Variants in FSD1L observed in about 807,000 individuals in gnomAD.
The protein encoded by FSD1L is FSD1-like protein.
Under a neutral mutation model 71.6 loss-of-function variants are expected in FSD1L, and 45 were observed. The observed-to-expected ratio is 0.63, with a 90% CI of 0.49 to 0.81. The LOEUF is 0.81. Among genes scored for constraint, FSD1L ranks in the 30% least tolerant of loss-of-function variants. The probability of loss-of-function intolerance (pLI) is 0.00; values close to 1 mark genes in which losing one functional copy is unlikely to be tolerated. For missense variants in FSD1L, 561 were observed against 618.1 expected, an observed-to-expected ratio of 0.91 and a Z score of 0.98; for synonymous variants, 197 against 207.2, an observed-to-expected ratio of 0.95 and a Z score of 0.42.
chr9:105,464,317 C>T lies in FSD1L; in HGVS notation c.193C>T (p.Leu65=), dbSNP rs1207844110. 6.8e-7 allele frequency: 1 copy of T among 1,472,374 alleles called. No individual in the cohort carries two copies. The highest frequency in any genetic ancestry group is 2.3e-5 in the Admixed American group (1 of 42,706). 91.2% of individuals were successfully genotyped at this position (1,472,374 alleles called of 1,614,324 possible). ...CTTTATTGATACACTACATCATACACTAAAAGGAGTTCAGGTATGATTGTT... is the reference window on the plus strand; with the variant it reads ...CTTTATTGATACACTACATCATACATTAAAAGGAGTTCAGGTATGATTGTT... ...QNFIDTLHHT[L]KGVQENSSNI... Residue 65 remains leucine, a synonymous_variant, in exon 3 of 14, where the codon CTA becomes TTA. Coordinates refer to ENST00000481272, the MANE Select transcript of FSD1L (RefSeq NM_001145313.3).
chr9:105,444,563 C>CA (rs1184379708), upstream of FSD1L, among the ~76,000 whole-genome samples: 2 of 152,176 alleles, frequency 1.3e-5, no homozygotes, highest in Non-Finnish European at 2.9e-5. Flanking sequence ...TGGCACCACT[C>CA]AGAGAGGATA....
intron 10 of FSD1L, among the ~76,000 whole-genome samples, chr9:105,517,034 A>C (rs964197548): frequency 6.6e-6 from 1 of 152,356 alleles, no homozygotes; most frequent in South Asian, 2.1e-4. Context: ...AGCAAACAAA[A>C]GTATCAATAG....
At chr9:105,538,390 T>C (rs2131508235) in intron 12 of FSD1L, among the ~76,000 whole-genome samples, 1 of 152,296 alleles carries the variant, frequency 6.6e-6, no homozygotes, top group African/African-American at 2.4e-5. Context: ...AGTTGATTTA[T>C]TAAGGAAGCA....
intron 7 of FSD1L, among the ~76,000 whole-genome samples, chr9:105,495,502 A>G (rs1833315561): frequency 6.6e-6 from 1 of 152,054 alleles, no homozygotes; most frequent in Admixed American, 6.5e-5. Context: ...GGTGCGCTGC[A>G]CCCACTGTCC....
intron 13 of FSD1L, among the ~76,000 whole-genome samples, chr9:105,543,557 A>G (rs1295281245): frequency 2.0e-5 from 3 of 152,116 alleles, no homozygotes; most frequent in Non-Finnish European, 4.4e-5. Context: ...TACCTTAGGT[A>G]TATCTCCTAA....
intron 2 of FSD1L, among the ~76,000 whole-genome samples, chr9:105,463,652 A>G (rs191667783): frequency 6.6e-6 from 1 of 152,304 alleles, no homozygotes; most frequent in East Asian, 1.9e-4. Context: ...AAATTAACCA[A>G]ATGTTTTATT....
chr9:105,497,171 T>A (rs1259126911), intron 7 of FSD1L, among the ~76,000 whole-genome samples: 3 of 152,218 alleles, frequency 2.0e-5, no homozygotes, highest in African/African-American at 7.2e-5. Context: ...ATGGGTTACA[T>A]TGATTTTTCA....
chr9:105,505,096 T>C (rs72744268), intron 7 of FSD1L, among the ~76,000 whole-genome samples: 5,383 of 152,358 alleles, frequency 0.035, 131 homozygotes, highest in South Asian at 0.087. Context: ...CTGTGGGTTC[T>C]GATAAATGTA....
intron 10 of FSD1L, chr9:105,525,382 T>C: frequency 6.2e-7 from 1 of 1,601,278 alleles, no homozygotes; most frequent in Non-Finnish European, 8.5e-7. Flanking sequence ...ACAACCTGTG[T>C]GCATTTCTGA....
chr9:105,484,405 CCTTT>C lies in FSD1L; in HGVS notation c.494_497del (p.Ser165Ter), dbSNP rs1471715156. The C allele has an allele frequency of 6.6e-7, 1 of 1,525,534 alleles. No homozygotes were observed. The highest frequency in any genetic ancestry group is 1.3e-5 in the South Asian group (1 of 78,418). 94.5% of individuals were successfully genotyped at this position (1,525,534 alleles called of 1,614,324 possible). A position where few individuals can be genotyped will look rare whatever the true frequency, so the allele number is the denominator to read the frequency against. On this transcript the variant is annotated frameshift_variant, in exon 7 of 14. Coordinates refer to ENST00000481272, the MANE Select transcript of FSD1L (RefSeq NM_001145313.3). LOFTEE classifies it high-confidence loss of function. ...GAGTCACAATGGCTTCAGCCTTTCG[CCTTT>C]CTTTGAAACCAAAGGTCAGTGACAA...
At chr9:105,526,243 C>T (rs557793231) in intron 10 of FSD1L, 81 of 1,600,070 alleles carry the variant, frequency 5.1e-5, no homozygotes, top group African/African-American at 3.5e-4. Context: ...GGAGAGAGCA[C>T]GATACCTGCA....
Position 105,535,182 on chromosome 9 carries a change from A to G in FSD1L, c.1242A>G (p.Gly414=). The G allele has an allele frequency of 6.4e-7, 1 of 1,552,074 alleles. No homozygotes were observed. Among genetic ancestry groups the G allele is most frequent in the East Asian group, 2.4e-5 (1 of 40,912 alleles). The change falls in exon 12 of 14, where the codon GGA becomes GGG. Residue 414 remains glycine (G), a synonymous_variant. Transcript: ENST00000481272. ...CGTTGGGGAAATTTGACCAATTGGG[A>G]AAGACAAACACTAGTTGGTGTATCC... The part of the protein sequence containing the change: ...YKTLGKFDQL[G]KTNTSWCIHV...
At chr9:105,533,741 A>T (rs557817946) in intron 10 of FSD1L, among the ~76,000 whole-genome samples, 273 of 148,194 alleles carry the variant, frequency 1.8e-3, no homozygotes, top group Non-Finnish European at 3.3e-3. Context: ...TTTTTTTTTA[A>T]GACAGAGTTT....
intron 1 of FSD1L, among the ~76,000 whole-genome samples, chr9:105,460,017 T>C (rs961527734): frequency 6.6e-6 from 1 of 152,258 alleles, no homozygotes; most frequent in African/African-American, 2.4e-5. Flanking sequence ...TCAAGAGCTG[T>C]AGAGTGCTCT....
At chr9:105,474,525 A>G (rs1315596441) in intron 5 of FSD1L, among the ~76,000 whole-genome samples, 1 of 152,222 alleles carries the variant, frequency 6.6e-6, no homozygotes, top group East Asian at 1.9e-4. Flanking sequence ...AGCCAGCTAC[A>G]TGGACTACAG....
upstream of FSD1L, chr9:105,447,830 T>G: frequency 3.2e-6 from 1 of 315,636 alleles, no homozygotes; most frequent in Non-Finnish European, 5.9e-6. Flanking sequence ...GGCCGGCTGC[T>G]GGATGCCCAG....
In FSD1L at chr9:105,546,519, T is replaced by C; in HGVS notation, c.*36T>C. 6.7e-7 allele frequency: 1 copy of C among 1,493,830 alleles called. No homozygotes were observed. The highest frequency in any genetic ancestry group is 8.9e-7 in the Non-Finnish European group (1 of 1,120,994). 92.5% of individuals were successfully genotyped at this position (1,493,830 alleles called of 1,614,324 possible). A position where few individuals can be genotyped will look rare whatever the true frequency, so the allele number is the denominator to read the frequency against. ...GAATACGTTTACCCTCCGTCTTGAT[T>C]AGGTGGCCTTTTCTGTGCAGTTACT... On this transcript the variant is annotated 3_prime_UTR_variant, in exon 14 of 14. Coordinates refer to ENST00000481272, the MANE Select transcript of FSD1L (RefSeq NM_001145313.3).
At chr9:105,485,387 T>G (rs1315711161) in intron 7 of FSD1L, among the ~76,000 whole-genome samples, 2 of 152,144 alleles carry the variant, frequency 1.3e-5, no homozygotes, top group Non-Finnish European at 2.9e-5. Context: ...TAACCCAGTC[T>G]TTTGAGAAAG....
At chr9:105,493,969 A>G (rs1414621401) in intron 7 of FSD1L, among the ~76,000 whole-genome samples, 1 of 152,064 alleles carries the variant, frequency 6.6e-6, no homozygotes, top group Non-Finnish European at 1.5e-5. Context: ...GAATCTGACA[A>G]TTATGTGTCT....
Sources: gnomAD v4.1 joint callset for allele counts (sites outside exome capture counted in the v4.1 genomes callset) on GRCh38, gnomAD v4.1.1 for gene constraint, MANE v1.5 for transcripts, NCBI Gene and HGNC (gene_info 2026-07-23, HGNC 2026-07-21) for gene names.